The following RAPGEF4 variants were observed in gnomAD, a reference collection of about 807,000 sequenced individuals.
RAPGEF4 encodes Rap guanine nucleotide exchange factor 4.
RAPGEF4 carries 66 observed loss-of-function variants against 147.9 expected under a neutral mutation model. That is an observed-to-expected ratio of 0.45 (90% CI 0.37 to 0.55). The LOEUF (loss-of-function observed/expected upper bound fraction) is 0.55, where lower values mean the gene tolerates loss of function less well. RAPGEF4 is among the 20% of genes least tolerant of loss of function. The pLI, the probability that RAPGEF4 is intolerant of heterozygous loss-of-function variation, is 0.00. For synonymous variants in RAPGEF4, 419 were observed against 442.7 expected, an observed-to-expected ratio of 0.95 and a Z score of 0.67; for missense variants, 1,071 against 1,257.3, an observed-to-expected ratio of 0.85 and a Z score of 2.24.
At chr2:172,868,179 G>A (rs572085248) in intron 4 of RAPGEF4, among the ~76,000 whole-genome samples, 53 of 152,234 alleles carry the variant, frequency 3.5e-4, no homozygotes, top group African/African-American at 1.2e-3. Context: ...CTAACAAAAC[G>A]AGCATCCCAG....
At chr2:172,774,896 A>G (rs1420728783) in intron 1 of RAPGEF4, among the ~76,000 whole-genome samples, 1 of 152,214 alleles carries the variant, frequency 6.6e-6, no homozygotes, top group Non-Finnish European at 1.5e-5. Flanking sequence ...AGAGACTGCA[A>G]TTCAAAATTC....
chr2:172,789,111 C>G (rs536402642), intron 1 of RAPGEF4, among the ~76,000 whole-genome samples: 2 of 152,324 alleles, frequency 1.3e-5, no homozygotes, highest in South Asian at 4.1e-4. Flanking sequence ...GGGCAGCTGT[C>G]TTCATCAGTG....
rs1416939719 is a variant in RAPGEF4, at chr2:172,785,556, G to T, written c.66-9469G>T. On this transcript the variant is annotated intron_variant, in intron 1 of 30. Transcript: ENST00000397081. Reference sequence around the variant, plus strand: ...AATTACTGTTAAAAAGAGTCAAACTGAACCTTAAAGTCATTCTAATGCATA... The same window carrying T: ...AATTACTGTTAAAAAGAGTCAAACTTAACCTTAAAGTCATTCTAATGCATA... 3.9e-5 allele frequency among the ~76,000 whole-genome samples: 6 copies of T among 151,950 alleles called. No individual in the cohort carries two copies. In the East Asian group the frequency reaches 1.2e-3, roughly 29 times the overall value.
chr2:172,996,885 G>A (rs879157955), intron 16 of RAPGEF4, among the ~76,000 whole-genome samples: 1 of 152,078 alleles, frequency 6.6e-6, no homozygotes, highest in East Asian at 1.9e-4. Context: ...CTATTCCCAC[G>A]AAGGATTTGA....
Position 172,814,432 on chromosome 2 carries a change from C to T in RAPGEF4, c.444+7C>T. On this transcript the variant is annotated splice_region_variant and intron_variant, in intron 4 of 30. Coordinates refer to ENST00000397081, the MANE Select transcript of RAPGEF4 (RefSeq NM_007023.4). The stretch of plus-strand genomic sequence containing the variant: ...CTTCAAGGCACTATGGGAGGTGAGC[C>T]CTAAGGCTTCTTTGTCAATTAATGC... The T allele has an allele frequency of 6.2e-7, 1 of 1,613,956 alleles. No homozygotes were observed. Among genetic ancestry groups the T allele is most frequent in the Non-Finnish European group, 8.5e-7 (1 of 1,179,940 alleles).
intron 2 of RAPGEF4, among the ~76,000 whole-genome samples, chr2:172,795,471 T>C (rs1686271511): frequency 1.3e-5 from 2 of 152,238 alleles, no homozygotes; most frequent in Admixed American, 1.3e-4. Flanking sequence ...TTGTCTTCTC[T>C]AATCCAAGAA....
At chr2:172,966,550 T>C (rs1689861553) in intron 9 of RAPGEF4, among the ~76,000 whole-genome samples, 1 of 152,138 alleles carries the variant, frequency 6.6e-6, no homozygotes, top group Admixed American at 6.5e-5. Context: ...GTATTGATGC[T>C]CCATCCTGAA....
intron 6 of RAPGEF4, among the ~76,000 whole-genome samples, chr2:172,927,819 A>G (rs373265173): frequency 5.3e-5 from 8 of 152,296 alleles, no homozygotes; most frequent in African/African-American, 1.9e-4. Context: ...AGTGTCACCG[A>G]TGTTCCCCTA....
intron 17 of RAPGEF4, among the ~76,000 whole-genome samples, chr2:173,003,296 G>T (rs1205811195): frequency 3.3e-5 from 5 of 152,270 alleles, no homozygotes; most frequent in African/African-American, 1.2e-4. Context: ...ATACTGGCGG[G>T]CAGGGAGAGG....
intron 3 of RAPGEF4, 129 bp downstream of exon 3, chr2:172,797,742 C>T: frequency 1.5e-6 from 1 of 670,710 alleles, no homozygotes; most frequent in South Asian, 2.2e-5. Context: ...GAGTTCAGCA[C>T]TGTTTGTTGG....
At chr2:172,916,943 G>A (rs1684137691) in intron 4 of RAPGEF4, among the ~76,000 whole-genome samples, 1 of 152,148 alleles carries the variant, frequency 6.6e-6, no homozygotes, top group South Asian at 2.1e-4. Context: ...AAATATACAT[G>A]ACACCATGCA....
Position 173,018,723 on chromosome 2 carries a change from G to C in RAPGEF4, c.2076G>C (p.Val692=). The change falls in exon 22 of 31, where the codon GTG becomes GTC. Residue 692 remains valine (V), a synonymous_variant. Transcript: ENST00000397081. The stretch of plus-strand genomic sequence containing the variant: ...TTCGGGTGCCAGTGGCCACTTCGGT[G>C]AAGGAAGTCATCAGTGCAGTTGCCG... ...TTIRVPVATS[V]KEVISAVADK... is the part of the protein sequence containing the mutation. The C allele has an allele frequency of 6.2e-7, 1 of 1,614,134 alleles. No homozygotes were observed. The highest frequency in any genetic ancestry group is 8.5e-7 in the Non-Finnish European group (1 of 1,180,010).
intron 1 of RAPGEF4, among the ~76,000 whole-genome samples, chr2:172,736,601 G>A (rs1693796051): frequency 6.6e-6 from 1 of 152,168 alleles, no homozygotes; most frequent in South Asian, 2.1e-4. Flanking sequence ...AGGTCATTTG[G>A]GAGGCTGCTT....
intron 1 of RAPGEF4, among the ~76,000 whole-genome samples, chr2:172,760,022 A>T (rs1382098561): frequency 6.6e-6 from 1 of 152,242 alleles, no homozygotes; most frequent in African/African-American, 2.4e-5. Flanking sequence ...AGCTACCCAG[A>T]AACACCAATG....
chr2:173,004,138 T>C (rs1326079478), intron 17 of RAPGEF4, among the ~76,000 whole-genome samples: 1 of 152,186 alleles, frequency 6.6e-6, no homozygotes, highest in Non-Finnish European at 1.5e-5. Flanking sequence ...CGTATTTCTG[T>C]TCTTAATCCA....
At chr2:172,955,787 A>T (rs1168152037) in intron 6 of RAPGEF4, among the ~76,000 whole-genome samples, 1 of 152,120 alleles carries the variant, frequency 6.6e-6, no homozygotes, top group Non-Finnish European at 1.5e-5. Context: ...CAGCAGGAAG[A>T]GTATCCGGGA....
At chr2:173,038,282 A>T (rs1162059465) in intron 29 of RAPGEF4, among the ~76,000 whole-genome samples, 1 of 152,232 alleles carries the variant, frequency 6.6e-6, no homozygotes, top group Non-Finnish European at 1.5e-5. Context: ...CCAGAAAGAA[A>T]ACCTGTTTTC....
At chr2:172,911,826 C>T (rs1700127998) in intron 4 of RAPGEF4, among the ~76,000 whole-genome samples, 1 of 133,190 alleles carries the variant, frequency 7.5e-6, no homozygotes, top group Non-Finnish European at 1.5e-5. Context: ...GGCTAGAGTG[C>T]AGTGATCACA....
intron 4 of RAPGEF4, among the ~76,000 whole-genome samples, chr2:172,900,158 A>G (rs1698921356): frequency 1.3e-5 from 2 of 152,234 alleles, no homozygotes; most frequent in South Asian, 2.1e-4. Context: ...AGACAGATGG[A>G]CAGAATAAAT....
Sources: gnomAD v4.1 joint callset for allele counts (sites outside exome capture counted in the v4.1 genomes callset) on GRCh38, gnomAD v4.1.1 for gene constraint, MANE v1.5 for transcripts, NCBI Gene and HGNC (gene_info 2026-07-23, HGNC 2026-07-21) for gene names.